The following CBLIF variants were observed in gnomAD, a reference collection of about 807,000 sequenced individuals.
The protein encoded by CBLIF is gastric intrinsic factor (vitamin B synthesis).
CBLIF carries 24 observed loss-of-function variants against 44.9 expected under a neutral mutation model. The observed-to-expected ratio is 0.53, with a 90% CI of 0.39 to 0.75. The LOEUF (loss-of-function observed/expected upper bound fraction) is 0.75, where lower values mean the gene tolerates loss of function less well. Ranked by LOEUF, CBLIF falls within the 30% of genes least tolerant of loss-of-function variation. CBLIF has a pLI of 0.00. For synonymous variants in CBLIF, 183 were observed against 190.9 expected, an observed-to-expected ratio of 0.96 and a Z score of 0.34; for missense variants, 481 against 513.0, an observed-to-expected ratio of 0.94 and a Z score of 0.60.
At chr11:59,843,166 T>C (rs202032476) in intron 2 of CBLIF, 25 bp from the exon 3 acceptor site, 24 of 1,394,770 alleles carry the variant, frequency 1.7e-5, no homozygotes, top group Admixed American at 1.7e-4. Context: ...ACACAACGGT[T>C]AGACAGAGAC....
chr11:59,835,337 G>T (rs925108763), intron 7 of CBLIF, among the ~76,000 whole-genome samples: 1 of 151,824 alleles, frequency 6.6e-6, no homozygotes, highest in Admixed American at 6.6e-5. Flanking sequence ...TAGAGACGGG[G>T]TTTCACCATG....
intron 4 of CBLIF, 43 bp from the exon 5 acceptor site, chr11:59,841,367 C>T: frequency 1.5e-6 from 2 of 1,333,664 alleles, no homozygotes; most frequent in Non-Finnish European, 2.2e-6. Context: ...GTCACCATCA[C>T]AGCAATATGA....
intron 8 of CBLIF, among the ~76,000 whole-genome samples, chr11:59,830,507 A>G (rs1866360919): frequency 6.6e-6 from 1 of 151,912 alleles, no homozygotes. Context: ...AAAGTGAATT[A>G]CTTTCTTTTT....
At chr11:59,843,408 A>G (rs1013594325) in intron 2 of CBLIF, among the ~76,000 whole-genome samples, 2 of 152,232 alleles carry the variant, frequency 1.3e-5, no homozygotes, top group Non-Finnish European at 2.9e-5. Flanking sequence ...CAAAATACTC[A>G]TATAGATTTA....
intron 6 of CBLIF, 67 bp from the exon 7 acceptor site, chr11:59,836,076 T>C (rs1354804690): frequency 4.0e-6 from 5 of 1,238,864 alleles, no homozygotes; most frequent in Non-Finnish European, 6.0e-6. Context: ...GCAAAATCTC[T>C]GTTATTGGCA....
At chr11:59,837,426 G>T in intron 5 of CBLIF, 75 bp from the exon 6 acceptor site, 1 of 1,049,756 alleles carries the variant, frequency 9.5e-7, no homozygotes, top group Non-Finnish European at 1.5e-6. Flanking sequence ...TGTCTTAAGA[G>T]ATAAACTTGA....
chr11:59,830,385 C>T lies in CBLIF; in HGVS notation c.1193-840G>A, dbSNP rs552664578. On this transcript the variant is annotated intron_variant, in intron 8 of 8. Coordinates refer to ENST00000257248, the MANE Select transcript of CBLIF (RefSeq NM_005142.3). ...CCGAGTAGCTGGGACTACAGGCACC[C>T]GCCACCACGCCTGACTAATTTTTTT... is the stretch of plus-strand genomic sequence containing the variant. 7.2e-5 allele frequency among the ~76,000 whole-genome samples: 11 copies of T among 151,890 alleles called. No individual in the cohort carries two copies. In the South Asian group the frequency reaches 8.3e-4, roughly 11 times the overall value.
At chr11:59,844,156 TGAGACAG>T in intron 1 of CBLIF, 101 bp from the exon 2 acceptor site, 1 of 963,422 alleles carries the variant, frequency 1.0e-6, no homozygotes, top group Non-Finnish European at 1.7e-6. Flanking sequence ...CTTTTTTTTT[TGAGACAG>T]TGTTACTCTT....
rs149266900 is a variant in CBLIF at position 59,843,781 on chromosome 11, G to C, written c.256+98C>G. ...TGTTTGGGTAGTTTATTTACAGTCA[G>C]AGGCAGCATTGGGGTGGGAAGGACG... On this transcript the variant is annotated intron_variant, in intron 2 of 8. Transcript: ENST00000257248. 2.5e-3 allele frequency: 2,253 copies of C among 887,484 alleles called. 6 individuals are homozygous for C. The highest frequency in any genetic ancestry group is 3.7e-3 in the Non-Finnish European group (1,945 of 526,296). 55.0% of individuals were successfully genotyped at this position (887,484 alleles called of 1,614,324 possible).
intron 4 of CBLIF, 104 bp downstream of exon 4, chr11:59,842,336 GCTC>G: frequency 2.4e-6 from 3 of 1,238,294 alleles, no homozygotes; most frequent in Non-Finnish European, 3.6e-6. Context: ...CACATCCTTA[GCTC>G]CTCCTCCATG....
intron 8 of CBLIF, among the ~76,000 whole-genome samples, chr11:59,830,431 G>A (rs1866359510): frequency 6.6e-6 from 1 of 151,760 alleles, no homozygotes. Context: ...TAGAGACGGG[G>A]TTTCACCATG....
chr11:59,835,815 T>C lies in CBLIF; in HGVS notation c.1066A>G (p.Met356Val), dbSNP rs1487519875. The change falls in exon 7 of 9, where the codon ATG becomes GTG. Residue 356 changes from methionine to valine, a missense_variant. Physicochemically the swap from Met to Val is conservative, Grantham distance 21. Coordinates refer to ENST00000257248, the MANE Select transcript of CBLIF (RefSeq NM_005142.3). ...GACATTTGTAATACTCACTTGAACATAGGATTTTTGCGCTGTGCTTCCTCT... is the reference window on the plus strand; with the variant it reads ...GACATTTGTAATACTCACTTGAACACAGGATTTTTGCGCTGTGCTTCCTCT... ...VLEEAQRKNP[M>V]FKFETTMTSW... The C allele has an allele frequency of 5.0e-6, 8 of 1,609,896 alleles. No individual in the cohort carries two copies. The highest frequency in any genetic ancestry group is 1.7e-4 in the Middle Eastern group (1 of 6,054).
intron 7 of CBLIF, among the ~76,000 whole-genome samples, chr11:59,832,528 C>A (rs1432608815): frequency 6.6e-6 from 1 of 152,140 alleles, no homozygotes; most frequent in African/African-American, 2.4e-5. Flanking sequence ...CGGCTCATGC[C>A]TGCAATCCCA....
intron 5 of CBLIF, among the ~76,000 whole-genome samples, chr11:59,838,847 TC>T (rs1228725554): frequency 6.8e-6 from 1 of 147,486 alleles, no homozygotes; most frequent in Non-Finnish European, 1.5e-5. Context: ...TTTCTTTCTT[TC>T]TTTTTTTTTT....
At chr11:59,843,729 G>T in intron 2 of CBLIF, 150 bp downstream of exon 2, 1 of 705,220 alleles carries the variant, frequency 1.4e-6, no homozygotes. Flanking sequence ...TTTCTTTCCA[G>T]GTACCTTCCA....
intron 6 of CBLIF, 109 bp from the exon 7 acceptor site, chr11:59,836,118 T>A: frequency 1.2e-6 from 1 of 864,328 alleles, no homozygotes; most frequent in Non-Finnish European, 2.0e-6. Flanking sequence ...GAGAAAGTAG[T>A]GAGTTTCATA....
chr11:59,837,818 G>C (rs1301063130), intron 5 of CBLIF, among the ~76,000 whole-genome samples: 4 of 152,196 alleles, frequency 2.6e-5, no homozygotes, highest in Non-Finnish European at 5.9e-5. Flanking sequence ...TCATGACCTG[G>C]ACTGGGCTGA....
At chr11:59,842,209 T>C (rs1426314645) in intron 4 of CBLIF, among the ~76,000 whole-genome samples, 1 of 152,192 alleles carries the variant, frequency 6.6e-6, no homozygotes. Context: ...GCCAGACATA[T>C]CAAGTATTAT....
chr11:59,840,883 A>G lies in CBLIF; in HGVS notation c.693+260T>C, dbSNP rs189876599. 7.0e-5 allele frequency: 28 copies of G among 399,354 alleles called. No homozygotes were observed. The Admixed American group carries it at 8.0e-4, about 11-fold the overall frequency. 24.7% of individuals were successfully genotyped at this position (399,354 alleles called of 1,614,324 possible). On this transcript the variant is annotated intron_variant, in intron 5 of 8. Transcript: ENST00000257248. ...AATAAATTAATATATTTCTTGATTT[A>G]TTTGTTTCATTTTTTTTCCCAAGAA... is the stretch of plus-strand genomic sequence containing the variant.
Sources: allele counts gnomAD v4.1 joint callset (sites outside exome capture counted in the v4.1 genomes callset), GRCh38; gene constraint gnomAD v4.1.1; transcripts MANE v1.5; gene names NCBI Gene and HGNC (gene_info 2026-07-23, HGNC 2026-07-21).